NALF1: variants seen among roughly 807,000 people sequenced by gnomAD.
NALF1 encodes NALCN channel auxiliary factor 1.
NALF1 carries 3 observed loss-of-function variants against 48.4 expected under a neutral mutation model. The observed-to-expected ratio is 0.06, with a 90% CI of 0.03 to 0.16. The LOEUF (loss-of-function observed/expected upper bound fraction) is 0.16, where lower values mean the gene tolerates loss of function less well. NALF1 is among the 10% of genes least tolerant of loss of function. The pLI is 1.00. For missense variants in NALF1, 526 were observed against 571.5 expected (o/e 0.92, Z 0.81); for synonymous variants, 262 against 245.7 (o/e 1.07, Z -0.62).
chr13:107,752,820 G>C (rs1876976212), intron 1 of NALF1, among the ~76,000 whole-genome samples: 1 of 152,134 alleles, frequency 6.6e-6, no homozygotes, highest in African/African-American at 2.4e-5. Context: ...AATTGACAAA[G>C]GCCAGGACAT....
chr13:107,201,770 A>T (rs1036144116), intron 2 of NALF1, among the ~76,000 whole-genome samples: 1 of 152,166 alleles, frequency 6.6e-6, no homozygotes, highest in Non-Finnish European at 1.5e-5. Context: ...CACACAAAAA[A>T]AGACTAAAAC....
At chr13:107,329,265 G>C (rs770708567) in intron 1 of NALF1, among the ~76,000 whole-genome samples, 2 of 152,150 alleles carry the variant, frequency 1.3e-5, no homozygotes, top group Non-Finnish European at 2.9e-5. Context: ...GAGCAGTAAA[G>C]TTTGATTTAA....
At chr13:107,199,097 T>A (rs2138791920) in intron 2 of NALF1, among the ~76,000 whole-genome samples, 1 of 151,938 alleles carries the variant, frequency 6.6e-6, no homozygotes, top group African/African-American at 2.4e-5. Context: ...GGGTCCTAGT[T>A]CAATAGGACA....
chr13:107,460,683 T>C (rs1884903309), intron 1 of NALF1, among the ~76,000 whole-genome samples: 1 of 152,330 alleles, frequency 6.6e-6, no homozygotes, highest in African/African-American at 2.4e-5. Flanking sequence ...TATAATTGTA[T>C]ACAGTACGAT....
chr13:107,333,502 G>T (rs1211783764), intron 1 of NALF1, among the ~76,000 whole-genome samples: 1 of 152,204 alleles, frequency 6.6e-6, no homozygotes, highest in Non-Finnish European at 1.5e-5. Flanking sequence ...CAGACCTGTG[G>T]AGGGACTCAC....
rs193293484 is a variant in NALF1, at chr13:107,413,943, C to T, written c.916-203188G>A. On this transcript the variant is annotated intron_variant, in intron 1 of 2. Coordinates refer to ENST00000375915, the MANE Select transcript of NALF1 (RefSeq NM_001080396.3). The stretch of plus-strand genomic sequence containing the variant: ...CTGGGATCATAGGCATGCACCACCA[C>T]GCCCAGGTAATTTTTGTATTTTTAG... Among the ~76,000 whole-genome samples, 650 of 152,202 alleles carry T rather than the reference C, an allele frequency of 4.3e-3. 6 individuals carry two copies. The highest frequency in any genetic ancestry group is 6.1e-3 in the Non-Finnish European group (416 of 68,008).
chr13:107,568,896 A>G (rs554929505), intron 1 of NALF1, among the ~76,000 whole-genome samples: 7 of 152,304 alleles, frequency 4.6e-5, no homozygotes, highest in Non-Finnish European at 7.4e-5. Flanking sequence ...TTTTATCTTT[A>G]TAACAGTCTT....
intron 1 of NALF1, among the ~76,000 whole-genome samples, chr13:107,716,047 T>TA (rs1328723858): frequency 2.0e-5 from 3 of 152,102 alleles, no homozygotes; most frequent in African/African-American, 7.2e-5. Context: ...CTTAGGGTGT[T>TA]AAACTTAGGG....
chr13:107,648,542 T>A (rs1880370303), intron 1 of NALF1, among the ~76,000 whole-genome samples: 1 of 152,128 alleles, frequency 6.6e-6, no homozygotes. Flanking sequence ...TAAATAATAT[T>A]CCATTGTATA....
intron 1 of NALF1, among the ~76,000 whole-genome samples, chr13:107,753,971 C>T (rs1270982411): frequency 1.3e-5 from 2 of 152,028 alleles, no homozygotes; most frequent in African/African-American, 2.4e-5. Flanking sequence ...TTCCCATCCA[C>T]GTGCTAAAAA....
chr13:107,858,246 A>C (rs993577089), intron 1 of NALF1, among the ~76,000 whole-genome samples: 1 of 152,254 alleles, frequency 6.6e-6, no homozygotes, highest in African/African-American at 2.4e-5. Flanking sequence ...AGTAGTAAAT[A>C]TGGCAAAATT....
intron 1 of NALF1, among the ~76,000 whole-genome samples, chr13:107,849,129 G>C (rs754940353): frequency 6.6e-6 from 1 of 152,144 alleles, no homozygotes; most frequent in African/African-American, 2.4e-5. Flanking sequence ...GACCATTAGG[G>C]ATTTAGCTTC....
chr13:107,176,806 G>T (rs1301546569), intron 2 of NALF1, among the ~76,000 whole-genome samples: 1 of 152,002 alleles, frequency 6.6e-6, no homozygotes, highest in Non-Finnish European at 1.5e-5. Flanking sequence ...AATCAGGCAA[G>T]AGAAAGAAGA....
chr13:107,529,103 T>C (rs1417897610), intron 1 of NALF1, among the ~76,000 whole-genome samples: 1 of 152,132 alleles, frequency 6.6e-6, no homozygotes, highest in Non-Finnish European at 1.5e-5. Context: ...CATTCATTTA[T>C]GTTCTATTTC....
intron 1 of NALF1, among the ~76,000 whole-genome samples, chr13:107,729,978 T>C (rs1004604583): frequency 1.3e-5 from 2 of 152,208 alleles, no homozygotes; most frequent in African/African-American, 2.4e-5. Flanking sequence ...TTACATATTC[T>C]AGATCTATAG....
In NALF1 at chr13:107,672,515, T is replaced by C. The variant is rs147807590; in HGVS notation, c.915+193167A>G. On this transcript the variant is annotated intron_variant, in intron 1 of 2. Transcript: ENST00000375915. ...CAGCACCACTGTGTAGAAAGAAAAC[T>C]GATATCAGAGAAGATACTGGGCGAG... 5.3e-3 allele frequency among the ~76,000 whole-genome samples: 811 copies of C among 152,156 alleles called. 11 individuals carry two copies. The highest frequency in any genetic ancestry group is 0.019 in the African/African-American group (784 of 41,516).
chr13:107,651,320 C>T (rs1880445797), intron 1 of NALF1, among the ~76,000 whole-genome samples: 2 of 152,136 alleles, frequency 1.3e-5, no homozygotes, highest in African/African-American at 2.4e-5. Context: ...GCCAGGGATG[C>T]TTTAAAACTC....
intron 1 of NALF1, among the ~76,000 whole-genome samples, chr13:107,408,265 A>G (rs1425396400): frequency 6.6e-6 from 1 of 152,130 alleles, no homozygotes; most frequent in African/African-American, 2.4e-5. Context: ...AGATTTTAAA[A>G]TAATTAAAAG....
At chr13:107,581,913 C>T (rs1169071793) in intron 1 of NALF1, among the ~76,000 whole-genome samples, 2 of 152,106 alleles carry the variant, frequency 1.3e-5, no homozygotes, top group Non-Finnish European at 2.9e-5. Flanking sequence ...TCTAGTTCCT[C>T]GCAATTTCAG....
Sources: gnomAD v4.1 joint callset for allele counts (sites outside exome capture counted in the v4.1 genomes callset) on GRCh38, gnomAD v4.1.1 for gene constraint, MANE v1.5 for transcripts, NCBI Gene and HGNC (gene_info 2026-07-23, HGNC 2026-07-21) for gene names.